The following RAB38 variants were observed in gnomAD, a reference collection of about 807,000 sequenced individuals.
The protein encoded by RAB38 is ras-related protein Rab-38.
In RAB38, 15 loss-of-function variants were observed where a neutral mutation model predicts 18.4. The ratio of observed to expected loss-of-function variants is 0.82; its 90% CI spans 0.55 to 1.26. RAB38 has a LOEUF of 1.26. RAB38 is among the 50% of genes most tolerant of loss of function. The pLI is 0.00. For synonymous variants in RAB38, 101 were observed against 104.4 expected (o/e 0.97, Z 0.20); for missense variants, 294 against 267.4 (o/e 1.10, Z -0.69).
the RAB38 span, among the ~76,000 whole-genome samples, chr11:88,073,147 AACAC>A: frequency 2.6e-5 from 4 of 152,142 alleles, no homozygotes; most frequent in East Asian, 7.7e-4. Context: ...GATACCTTTC[AACAC>A]ACCATAAGAA....
chr11:88,070,576 G>A, the RAB38 span, among the ~76,000 whole-genome samples: 5 of 152,246 alleles, frequency 3.3e-5, no homozygotes, highest in East Asian at 3.9e-4. Flanking sequence ...TGTTTCCTAC[G>A]TTTTAATTTC....
At chr11:87,959,088 A>G in the RAB38 span, among the ~76,000 whole-genome samples, 9 of 152,042 alleles carry the variant, frequency 5.9e-5, no homozygotes, top group African/African-American at 2.2e-4. Context: ...CAATCATCAA[A>G]TGGGCCCTAG....
At chr11:88,127,318 C>T (rs139512616) in intron 2 of RAB38, among the ~76,000 whole-genome samples, 9 of 152,264 alleles carry the variant, frequency 5.9e-5, no homozygotes, top group Non-Finnish European at 1.3e-4. Flanking sequence ...AAGGCAGATT[C>T]AAGTTGGGAT....
At chr11:87,956,135 TGTAAGTAA>T in the RAB38 span, among the ~76,000 whole-genome samples, 1 of 151,652 alleles carries the variant, frequency 6.6e-6, no homozygotes, top group Non-Finnish European at 1.5e-5. Context: ...ACCTTGTAAC[TGTAAGTAA>T]GTAAATTATT....
chr11:87,846,892 A>G, the RAB38 span, among the ~76,000 whole-genome samples: 1 of 152,094 alleles, frequency 6.6e-6, no homozygotes, highest in African/African-American at 2.4e-5. Context: ...ATAGAGTTAA[A>G]CTTCATTTAA....
At chr11:87,937,557 G>C in the RAB38 span, among the ~76,000 whole-genome samples, 1 of 151,242 alleles carries the variant, frequency 6.6e-6, no homozygotes, top group Admixed American at 6.6e-5. Flanking sequence ...GCAACCATCT[G>C]GTCCTGGAGA....
chr11:87,977,397 AT>A, the RAB38 span, among the ~76,000 whole-genome samples: 1 of 43,590 alleles, frequency 2.3e-5, no homozygotes, highest in Non-Finnish European at 4.2e-5. Context: ...AATTATATAT[AT>A]AATTATATTA....
At chr11:88,122,902 T>C (rs1213924574) in intron 2 of RAB38, among the ~76,000 whole-genome samples, 4 of 152,238 alleles carry the variant, frequency 2.6e-5, no homozygotes, top group Admixed American at 2.6e-4. Flanking sequence ...AGAAAGCATG[T>C]TGGAGTCAAG....
At chr11:88,021,348 A>G in the RAB38 span, among the ~76,000 whole-genome samples, 3 of 152,106 alleles carry the variant, frequency 2.0e-5, no homozygotes, top group African/African-American at 4.8e-5. Flanking sequence ...TGAAATAGAT[A>G]AATTCCTAGA....
the RAB38 span, among the ~76,000 whole-genome samples, chr11:87,934,503 T>G: frequency 2.0e-5 from 3 of 152,142 alleles, no homozygotes; most frequent in Non-Finnish European, 2.9e-5. Flanking sequence ...GTTGACCCAG[T>G]TGAATTTATT....
chr11:88,153,081 T>G (rs879375872), intron 1 of RAB38, among the ~76,000 whole-genome samples: 1 of 152,208 alleles, frequency 6.6e-6, no homozygotes, highest in Non-Finnish European at 1.5e-5. Flanking sequence ...CGGGAACTAT[T>G]TAGATAATCT....
chr11:87,837,456 G>A, the RAB38 span, among the ~76,000 whole-genome samples: 2 of 152,140 alleles, frequency 1.3e-5, no homozygotes, highest in African/African-American at 2.4e-5. Flanking sequence ...TAGAGCTCTC[G>A]AATGTTTTTC....
chr11:87,945,335 C>A, the RAB38 span, among the ~76,000 whole-genome samples: 1 of 152,108 alleles, frequency 6.6e-6, no homozygotes, highest in Non-Finnish European at 1.5e-5. Flanking sequence ...GACTACAGAA[C>A]TTTAAATCTC....
At chr11:87,930,268 G>T in the RAB38 span, among the ~76,000 whole-genome samples, 1 of 152,204 alleles carries the variant, frequency 6.6e-6, no homozygotes, top group Non-Finnish European at 1.5e-5. Context: ...TAACTGGTGT[G>T]AGATGGTATC....
the RAB38 span, among the ~76,000 whole-genome samples, chr11:87,975,540 A>G: frequency 0.47 from 71,253 of 151,542 alleles, 17,248 homozygotes; most frequent in East Asian, 0.66. Flanking sequence ...TAATTATGCA[A>G]GACTATGTAT....
At chr11:88,071,206 C>T in the RAB38 span, among the ~76,000 whole-genome samples, 1 of 151,462 alleles carries the variant, frequency 6.6e-6, no homozygotes, top group Non-Finnish European at 1.5e-5. Flanking sequence ...GGACACTTCT[C>T]TCATAGAAAA....
the RAB38 span, among the ~76,000 whole-genome samples, chr11:87,932,392 A>G: frequency 1.3e-5 from 2 of 152,080 alleles, no homozygotes; most frequent in Admixed American, 6.6e-5. Context: ...AACCTGGAAC[A>G]TGGCAGAAAG....
At chr11:87,951,103 C>G in the RAB38 span, among the ~76,000 whole-genome samples, 1 of 152,116 alleles carries the variant, frequency 6.6e-6, no homozygotes, top group African/African-American at 2.4e-5. Context: ...TCTTTTATCT[C>G]TAAACTTCTC....
the RAB38 span, among the ~76,000 whole-genome samples, chr11:88,062,994 C>T: frequency 2.6e-5 from 4 of 152,114 alleles, no homozygotes. Flanking sequence ...GGAAATTCTC[C>T]AAAGTAATTT....
Sources: gnomAD v4.1 joint callset for allele counts (sites outside exome capture counted in the v4.1 genomes callset) on GRCh38, gnomAD v4.1.1 for gene constraint, MANE v1.5 for transcripts, NCBI Gene and HGNC (gene_info 2026-07-23, HGNC 2026-07-21) for gene names.